ZNF599: variants seen among roughly 807,000 people sequenced by gnomAD.
ZNF599 encodes the protein zinc finger protein 599.
ZNF599 carries 10 observed loss-of-function variants against 11.7 expected under a neutral mutation model. That is an observed-to-expected ratio of 0.86 (90% CI 0.53 to 1.45). ZNF599 has a LOEUF of 1.45. ZNF599 is among the 40% of genes most tolerant of loss of function. The probability of loss-of-function intolerance (pLI) is 0.00; values close to 1 mark genes in which losing one functional copy is unlikely to be tolerated. For missense variants in ZNF599, 688 were observed against 713.6 expected, an observed-to-expected ratio of 0.96 and a Z score of 0.41; for synonymous variants, 232 against 253.2, an observed-to-expected ratio of 0.92 and a Z score of 0.79.
upstream of ZNF599, among the ~76,000 whole-genome samples, chr19:34,774,123 T>C (rs2069204763): frequency 6.6e-6 from 1 of 152,210 alleles, no homozygotes; most frequent in Non-Finnish European, 1.5e-5. Context: ...GGTAGACCTA[T>C]TGCCCAAGGG....
At position 34,759,713 on chromosome 19, in the gene ZNF599, C is replaced by A; in HGVS notation, c.1088G>T (p.Gly363Val). ...TFIQHNVTHT[G>V]EKPFLCKECG... ...TTCTTTACATAAAAATGGTTTTTCT[C>A]CTGTGTGGGTCACATTGTGCTGGAT... Residue 363 changes from glycine (G) to valine (V), a missense_variant, in exon 4 of 4, where the codon GGA becomes GTA. Gly to Val is a moderately radical substitution (Grantham distance 109). Coordinates refer to ENST00000329285, the MANE Select transcript of ZNF599 (RefSeq NM_001007248.3). 6.2e-7 allele frequency: 1 copy of A among 1,614,140 alleles called. No homozygotes were observed. The highest frequency in any genetic ancestry group is 8.5e-7 in the Non-Finnish European group (1 of 1,180,026).
intron 3 of ZNF599, chr19:34,762,971 C>A (rs979077675): frequency 3.3e-5 from 5 of 152,030 alleles, no homozygotes; most frequent in African/African-American, 1.2e-4. Flanking sequence ...ATAAAGTAGG[C>A]AAATATTTTA....
the ZNF599 span, among the ~76,000 whole-genome samples, chr19:34,797,919 C>T: frequency 6.6e-6 from 1 of 152,104 alleles, no homozygotes; most frequent in African/African-American, 2.4e-5. Context: ...GTTTATAGCC[C>T]TATCTTATCC....
At chr19:34,761,484 A>G (rs182131098) in intron 3 of ZNF599, among the ~76,000 whole-genome samples, 177 of 152,372 alleles carry the variant, frequency 1.2e-3, no homozygotes, top group African/African-American at 4.1e-3. Flanking sequence ...TATAGAGACC[A>G]GGATAACTCT....
intron 2 of ZNF599, among the ~76,000 whole-genome samples, chr19:34,768,035 C>G (rs2069156747): frequency 6.6e-6 from 1 of 152,170 alleles, no homozygotes; most frequent in Non-Finnish European, 1.5e-5. Context: ...ACAGAAGACT[C>G]TGGAGAGAAG....
chr19:34,770,322 G>A (rs1170311303), intron 1 of ZNF599, among the ~76,000 whole-genome samples: 1 of 152,242 alleles, frequency 6.6e-6, no homozygotes, highest in African/African-American at 2.4e-5. Flanking sequence ...ATCTATGGGT[G>A]TAACCCCTGT....
rs886559675 is a variant in ZNF599 at position 34,772,670 on chromosome 19, G to A, written c.18+154C>T. 18 of 1,462,882 alleles carry A rather than the reference G, an allele frequency of 1.2e-5. No individual in the cohort carries two copies. The African/African-American group carries it at 2.2e-4, about 18-fold the overall frequency. The allele number at this position is 1,462,882 out of a possible 1,614,324, so 90.6% of individuals were successfully genotyped here. On this transcript the variant is annotated intron_variant, in intron 1 of 3. Coordinates refer to ENST00000329285, the MANE Select transcript of ZNF599 (RefSeq NM_001007248.3). The stretch of plus-strand genomic sequence containing the variant: ...CAGGACCCTGGGTAGGAAGTGATTA[G>A]CCCTGCCCTCTCACCTCACCCTCTC...
At chr19:34,760,645 G>T in intron 3 of ZNF599, 86 bp from the exon 4 acceptor site, 1 of 1,206,008 alleles carries the variant, frequency 8.3e-7, no homozygotes, top group Non-Finnish European at 1.1e-6. Flanking sequence ...AAGAATGAAG[G>T]TGAAAACAGT....
intron 3 of ZNF599, chr19:34,766,924 A>C (rs1169552279): frequency 5.8e-6 from 1 of 171,700 alleles, no homozygotes; most frequent in Non-Finnish European, 1.2e-5. Context: ...CTGCTGACCC[A>C]CATTGGGCTA....
the ZNF599 span, among the ~76,000 whole-genome samples, chr19:34,798,062 GTTTATA>G: frequency 3.9e-5 from 6 of 152,160 alleles, no homozygotes; most frequent in African/African-American, 1.4e-4. Context: ...CTCCACGTCG[GTTTATA>G]GGCTCTCTGC....
In ZNF599 at chr19:34,769,418, T is replaced by C; in HGVS notation, c.145+11A>G. ...GTGGGTCCCCTACATGGGAGGGTAATGAGGTCTTACCCAGTGAGACCAGGA... is the reference window on the plus strand; with the variant it reads ...GTGGGTCCCCTACATGGGAGGGTAACGAGGTCTTACCCAGTGAGACCAGGA... On this transcript the variant is annotated intron_variant, in intron 2 of 3. Coordinates refer to ENST00000329285, the MANE Select transcript of ZNF599 (RefSeq NM_001007248.3). 6.2e-7 allele frequency: 1 copy of C among 1,614,008 alleles called. No individual in the cohort carries two copies. Among genetic ancestry groups the C allele is most frequent in the Non-Finnish European group, 8.5e-7 (1 of 1,179,946 alleles).
the ZNF599 span, among the ~76,000 whole-genome samples, chr19:34,785,863 T>C: frequency 2.6e-5 from 4 of 152,130 alleles, no homozygotes; most frequent in Non-Finnish European, 4.4e-5. Context: ...GCCATTGTCA[T>C]GGAGAAACAG....
At chr19:34,790,168 T>C in the ZNF599 span, among the ~76,000 whole-genome samples, 1 of 152,182 alleles carries the variant, frequency 6.6e-6, no homozygotes, top group African/African-American at 2.4e-5. Flanking sequence ...TCTAAATGTG[T>C]GGGGTTTATC....
At position 34,772,484 on chromosome 19, in the gene ZNF599, G is replaced by T. The variant is rs570748188; in HGVS notation, c.18+340C>A. On this transcript the variant is annotated intron_variant, in intron 1 of 3. Transcript: ENST00000329285. ...GATGCTCTCCGAGCAGTGAAAGACA[G>T]GACCCACGTCACAAGCGTACCCTCT... The T allele has an allele frequency of 3.1e-5, 37 of 1,193,128 alleles. 1 individual carries two copies. In the Admixed American group the frequency reaches 1.4e-3, roughly 45 times the overall value. 73.9% of individuals were successfully genotyped at this position (1,193,128 alleles called of 1,614,324 possible).
chr19:34,769,374 G>A (rs2069166975), intron 2 of ZNF599, 55 bp downstream of exon 2: 23 of 1,613,132 alleles, frequency 1.4e-5, no homozygotes, highest in Non-Finnish European at 1.7e-5. Flanking sequence ...TGCCTAGAAA[G>A]GGTGGATTCA....
chr19:34,787,646 A>G, the ZNF599 span, among the ~76,000 whole-genome samples: 1 of 151,964 alleles, frequency 6.6e-6, no homozygotes, highest in African/African-American at 2.4e-5. Flanking sequence ...CAGGGAATTC[A>G]CCTCCCTCCA....
chr19:34,759,568 G>T lies in ZNF599; in HGVS notation c.1233C>A (p.Ile411=). ...GKAFTHRSTF[I]RHKRTHTGEK... is the part of the protein sequence containing the mutation. ...CTCCGGTATGGGTCCTCTTATGTCG[G>T]ATGAAAGTGGAGCGATGAGTAAAGG... Residue 411 remains isoleucine (I), a synonymous_variant, in exon 4 of 4, where the codon ATC becomes ATA. Coordinates refer to ENST00000329285, the MANE Select transcript of ZNF599 (RefSeq NM_001007248.3). 3 of 1,611,548 alleles carry T rather than the reference G, an allele frequency of 1.9e-6. No individual in the cohort carries two copies. Among genetic ancestry groups the T allele is most frequent in the Non-Finnish European group, 2.5e-6 (3 of 1,179,216 alleles).
In ZNF599 at chr19:34,759,829, G is replaced by A. The variant is rs755097534; in HGVS notation, c.972C>T (p.Ser324=). The A allele has an allele frequency of 1.9e-6, 3 of 1,614,062 alleles. No homozygotes were observed. The highest frequency in any genetic ancestry group is 2.2e-5 in the South Asian group (2 of 91,068). ...KECGKAFYYS[S]SFAQHMRIHT... is the part of the protein sequence containing the mutation. ...GAATCCTCATATGTTGAGCAAATGA[G>A]GAGCTGTAGTAAAAAGCTTTCCCAC... Residue 324 remains serine, a synonymous_variant, in exon 4 of 4, where the codon TCC becomes TCT. Coordinates refer to ENST00000329285, the MANE Select transcript of ZNF599 (RefSeq NM_001007248.3).
chr19:34,793,555 A>G, the ZNF599 span, among the ~76,000 whole-genome samples: 28 of 152,376 alleles, frequency 1.8e-4, no homozygotes, highest in East Asian at 4.8e-3. Flanking sequence ...ATCAAAATAC[A>G]ACAATGAAAT....
Sources: gnomAD v4.1 joint callset for allele counts (sites outside exome capture counted in the v4.1 genomes callset) on GRCh38, gnomAD v4.1.1 for gene constraint, MANE v1.5 for transcripts, NCBI Gene and HGNC (gene_info 2026-07-23, HGNC 2026-07-21) for gene names.